Variants in NTRK2 observed in about 807,000 individuals in gnomAD.
NTRK2 encodes neurotrophic receptor tyrosine kinase 2, also known as BDNF/NT-3 growth factors receptor.
Under a neutral mutation model 94.5 loss-of-function variants are expected in NTRK2, and 13 were observed. The ratio of observed to expected loss-of-function variants is 0.14; its 90% confidence interval spans 0.09 to 0.22. NTRK2 has a LOEUF of 0.22. Among genes scored for constraint, NTRK2 ranks in the 10% least tolerant of loss-of-function variants. The probability of loss-of-function intolerance (pLI) is 1.00; values close to 1 mark genes in which losing one functional copy is unlikely to be tolerated. For missense variants in NTRK2, 639 were observed against 1,071.2 expected, an observed-to-expected ratio of 0.60 and a Z score of 5.63; for synonymous variants, 372 against 407.4, an observed-to-expected ratio of 0.91 and a Z score of 1.05.
chr9:84,757,580 C>T (rs1218647640), intron 12 of NTRK2, among the ~76,000 whole-genome samples: 3 of 152,154 alleles, frequency 2.0e-5, no homozygotes, highest in Non-Finnish European at 2.9e-5. Context: ...AATATCTCAT[C>T]CTCTCTTGCC....
chr9:84,859,774 A>AC (rs1359896863), intron 12 of NTRK2, among the ~76,000 whole-genome samples: 4 of 152,250 alleles, frequency 2.6e-5, no homozygotes, highest in Non-Finnish European at 5.9e-5. Flanking sequence ...GTTAGTTGTA[A>AC]CTAAGAAATC....
At chr9:84,998,632 T>G (rs1442290162) in intron 17 of NTRK2, among the ~76,000 whole-genome samples, 1 of 152,182 alleles carries the variant, frequency 6.6e-6, no homozygotes, top group African/African-American at 2.4e-5. Context: ...CTCACTCTCC[T>G]TATCCCTCAT....
At chr9:84,744,292 A>G (rs1383995036) in intron 10 of NTRK2, among the ~76,000 whole-genome samples, 10 of 152,186 alleles carry the variant, frequency 6.6e-5, no homozygotes, top group Admixed American at 6.5e-4. Context: ...ATGAGAACAG[A>G]GCGTTAACAA....
intron 14 of NTRK2, among the ~76,000 whole-genome samples, chr9:84,925,201 C>T (rs1449723519): frequency 4.2e-5 from 6 of 141,288 alleles, no homozygotes; most frequent in African/African-American, 7.8e-5. Context: ...TTCTCTTCTT[C>T]TTTTTTTTTT....
At chr9:84,975,436 A>G (rs939591383) in intron 17 of NTRK2, among the ~76,000 whole-genome samples, 2 of 152,208 alleles carry the variant, frequency 1.3e-5, no homozygotes, top group Non-Finnish European at 2.9e-5. Flanking sequence ...GTATTGGAAG[A>G]AAAATGTAAT....
chr9:84,897,668 C>T (rs183051724), intron 14 of NTRK2, among the ~76,000 whole-genome samples: 1 of 152,302 alleles, frequency 6.6e-6, no homozygotes, highest in East Asian at 1.9e-4. Flanking sequence ...TGATTAGTGC[C>T]TTAGGACCCA....
rs547330961 is a variant in NTRK2, at chr9:84,884,562, T to G, written c.1633+17131T>G. Among the ~76,000 whole-genome samples, 6 of 152,320 alleles carry G rather than the reference T, an allele frequency of 3.9e-5. No homozygotes were observed. In the East Asian group the frequency reaches 1.2e-3, roughly 29 times the overall value. On this transcript the variant is annotated intron_variant, in intron 14 of 18. Coordinates refer to ENST00000277120, the MANE Select transcript of NTRK2 (RefSeq NM_006180.6). ...CCTAATTATACACATTTACTGAACATGAGGACATTTTTGCATTTTGTCTAG... is the reference window on the plus strand; with the variant it reads ...CCTAATTATACACATTTACTGAACAGGAGGACATTTTTGCATTTTGTCTAG...
intron 2 of NTRK2, among the ~76,000 whole-genome samples, chr9:84,671,308 T>C (rs987713957): frequency 4.6e-5 from 7 of 152,226 alleles, no homozygotes; most frequent in African/African-American, 1.7e-4. Flanking sequence ...CATTTTTGTT[T>C]CATAAAGTGC....
At chr9:84,734,999 A>G (rs374873081) in intron 9 of NTRK2, among the ~76,000 whole-genome samples, 1 of 152,094 alleles carries the variant, frequency 6.6e-6, no homozygotes, top group South Asian at 2.1e-4. Flanking sequence ...TGTTGGGGAC[A>G]AAACCAATCT....
At chr9:84,855,549 G>A (rs1403424108) in intron 12 of NTRK2, among the ~76,000 whole-genome samples, 3 of 151,126 alleles carry the variant, frequency 2.0e-5, no homozygotes, top group African/African-American at 4.9e-5. Context: ...AGGTTGGGAA[G>A]TCATGGAGTC....
intron 17 of NTRK2, among the ~76,000 whole-genome samples, chr9:85,009,965 C>T (rs1210822033): frequency 6.6e-6 from 1 of 152,194 alleles, no homozygotes; most frequent in Non-Finnish European, 1.5e-5. Context: ...ATTAAGTCCT[C>T]ATCTCAGGCT....
chr9:84,779,158 A>T (rs1397389976), intron 12 of NTRK2, among the ~76,000 whole-genome samples: 1 of 152,200 alleles, frequency 6.6e-6, no homozygotes, highest in Admixed American at 6.5e-5. Flanking sequence ...AAAATAAACA[A>T]CAAGCAATAA....
chr9:84,759,731 T>G (rs774914482), intron 12 of NTRK2, among the ~76,000 whole-genome samples: 2 of 152,226 alleles, frequency 1.3e-5, no homozygotes, highest in African/African-American at 2.4e-5. Flanking sequence ...TCTGGTTTTC[T>G]TCTTCTTTTC....
At chr9:84,981,057 T>A (rs1009925768) in intron 17 of NTRK2, among the ~76,000 whole-genome samples, 1 of 152,194 alleles carries the variant, frequency 6.6e-6, no homozygotes, top group African/African-American at 2.4e-5. Flanking sequence ...TATTTAGATT[T>A]TCTGCTTTTT....
chr9:84,895,851 G>A (rs1338592903), intron 14 of NTRK2, among the ~76,000 whole-genome samples: 1 of 152,180 alleles, frequency 6.6e-6, no homozygotes, highest in African/African-American at 2.4e-5. Flanking sequence ...GCAACGCAGG[G>A]CAAATAAATG....
intron 12 of NTRK2, among the ~76,000 whole-genome samples, chr9:84,780,855 C>T (rs1397668178): frequency 6.6e-6 from 1 of 152,054 alleles, no homozygotes; most frequent in Non-Finnish European, 1.5e-5. Flanking sequence ...AAGCTATGAG[C>T]TATGAAGTTT....
intron 2 of NTRK2, among the ~76,000 whole-genome samples, chr9:84,675,393 G>A (rs1367416280): frequency 8.6e-6 from 1 of 116,286 alleles, no homozygotes; most frequent in African/African-American, 3.3e-5. Flanking sequence ...TAACTCATTG[G>A]TCATCTTGCC....
chr9:84,971,973 G>A (rs1376725121), intron 17 of NTRK2, among the ~76,000 whole-genome samples: 1 of 152,162 alleles, frequency 6.6e-6, no homozygotes, highest in Non-Finnish European at 1.5e-5. Context: ...GGAATGGTCT[G>A]GAAGGAGACC....
intron 14 of NTRK2, among the ~76,000 whole-genome samples, chr9:84,918,919 A>G (rs2077476545): frequency 6.6e-6 from 1 of 152,176 alleles, no homozygotes; most frequent in Admixed American, 6.5e-5. Context: ...TTGCTACCAG[A>G]TGATATGCTA....
Sources: gnomAD v4.1 joint callset for allele counts (sites outside exome capture counted in the v4.1 genomes callset) on GRCh38, gnomAD v4.1.1 for gene constraint, MANE v1.5 for transcripts, NCBI Gene and HGNC (gene_info 2026-07-23, HGNC 2026-07-21) for gene names.